MT1X: variants seen among roughly 807,000 people sequenced by gnomAD.
The protein encoded by MT1X is metallothionein 1X.
Under a neutral mutation model 8.6 loss-of-function variants are expected in MT1X, and 7 were observed. The observed-to-expected ratio is 0.81, with a 90% CI of 0.46 to 1.52. The LOEUF (loss-of-function observed/expected upper bound fraction) is 1.52, where lower values mean the gene tolerates loss of function less well. Among genes scored for constraint, MT1X ranks in the 40% most tolerant of loss-of-function variants. MT1X has a pLI of 0.01. For synonymous variants in MT1X, 25 were observed against 27.6 expected, an observed-to-expected ratio of 0.91 and a Z score of 0.30; for missense variants, 72 against 74.3, an observed-to-expected ratio of 0.97 and a Z score of 0.11.
At chr16:56,682,877 C>A in intron 1 of MT1X, 2 of 591,510 alleles carry the variant, frequency 3.4e-6, no homozygotes, top group South Asian at 2.1e-5. Flanking sequence ...AGTGGGGGGC[C>A]ATTGCCTCTT....
intron 2 of MT1X, 197 bp from the exon 3 acceptor site, chr16:56,683,761 A>T: frequency 1.3e-6 from 1 of 742,306 alleles, no homozygotes. Context: ...CCTGTCCCAG[A>T]CTCAGGTGGG....
rs766546598 is a variant in MT1X, at chr16:56,682,510, A to T, written c.-31A>T. 1.2e-6 allele frequency: 2 copies of T among 1,614,028 alleles called. No homozygotes were observed. Among genetic ancestry groups the T allele is most frequent in the South Asian group, 2.2e-5 (2 of 91,080 alleles). The stretch of plus-strand genomic sequence containing the variant: ...TGTCCCGCTGCGTGTTTTCCTCTTG[A>T]TCGGGAACTCCTGCTTCTCCTTGCC... On this transcript the variant is annotated 5_prime_UTR_variant, in exon 1 of 3. Coordinates refer to ENST00000394485, the MANE Select transcript of MT1X (RefSeq NM_005952.4).
At position 56,683,082 on chromosome 16, in the gene MT1X, A is replaced by AG. The variant is rs1489578047; in HGVS notation, c.29-79dup. On this transcript the variant is annotated intron_variant, in intron 1 of 2. Coordinates refer to ENST00000394485, the MANE Select transcript of MT1X (RefSeq NM_005952.4). Reference sequence around the variant, plus strand: ...GGGGGCTGGTCCTTCAGCACAGAGGAGGGGTCACTGAAGCGTTATTGACCA... The same window carrying AG: ...GGGGGCTGGTCCTTCAGCACAGAGGAGGGGGTCACTGAAGCGTTATTGACCA... 6.6e-6 allele frequency: 10 copies of AG among 1,513,128 alleles called. No homozygotes were observed. The East Asian group carries it at 2.0e-4, about 31-fold the overall frequency. 93.7% of individuals were successfully genotyped at this position (1,513,128 alleles called of 1,614,324 possible). A position where few individuals can be genotyped will look rare whatever the true frequency, so the allele number is the denominator to read the frequency against.
chr16:56,683,566 A>G lies in MT1X; in HGVS notation c.94+336A>G, dbSNP rs1961027464. On this transcript the variant is annotated intron_variant, in intron 2 of 2. Transcript: ENST00000394485. Reference sequence around the variant, plus strand: ...ATCTGGAAGACCCCGGGTGATTTCAAACCTAATGATCCAGTCCTTTCCTGC... The same window carrying G: ...ATCTGGAAGACCCCGGGTGATTTCAGACCTAATGATCCAGTCCTTTCCTGC... 7.6e-6 allele frequency: 3 copies of G among 393,644 alleles called. No individual in the cohort carries two copies. The South Asian group carries it at 8.2e-5, about 11-fold the overall frequency. 24.4% of individuals were successfully genotyped at this position (393,644 alleles called of 1,614,324 possible).
chr16:56,683,834 G>C, intron 2 of MT1X, 124 bp from the exon 3 acceptor site: 1 of 1,390,848 alleles, frequency 7.2e-7, no homozygotes, highest in Non-Finnish European at 1.0e-6. Context: ...TTCTGACAAA[G>C]CCATGCCATC....
In MT1X at chr16:56,683,158, C is replaced by T; in HGVS notation, c.29-7C>T. On this transcript the variant is annotated splice_polypyrimidine_tract_variant and splice_region_variant and intron_variant, in intron 1 of 2. Transcript: ENST00000394485. ...CCACGCTCACTGCCTTTTTCTCTTC[C>T]TTGCAGTTGGCTCCTGTGCCTGTGC... The T allele has an allele frequency of 1.9e-6, 3 of 1,613,852 alleles. No individual in the cohort carries two copies. The highest frequency in any genetic ancestry group is 1.7e-4 in the Middle Eastern group (1 of 6,048).
intron 1 of MT1X, 190 bp downstream of exon 1, chr16:56,682,758 G>C (rs1961016595): frequency 2.8e-6 from 2 of 709,958 alleles, no homozygotes; most frequent in African/African-American, 1.8e-5. Context: ...TTAGAGTTGA[G>C]GGTACTGAGG....
chr16:56,683,061 G>A (rs1449299554), intron 1 of MT1X, 104 bp from the exon 2 acceptor site: 10 of 1,360,184 alleles, frequency 7.4e-6, no homozygotes, highest in Non-Finnish European at 9.3e-6. Context: ...AGCTCTGGGG[G>A]CTGGTCCTTC....
chr16:56,683,906 G>C, intron 2 of MT1X, 52 bp from the exon 3 acceptor site: 1 of 1,611,500 alleles, frequency 6.2e-7, no homozygotes, highest in Non-Finnish European at 8.5e-7. Flanking sequence ...TTGGGGCAGG[G>C]AGGTGCCTGA....
intron 2 of MT1X, 76 bp from the exon 3 acceptor site, chr16:56,683,882 G>C (rs1375249325): frequency 1.3e-6 from 2 of 1,594,508 alleles, no homozygotes; most frequent in South Asian, 1.1e-5. Context: ...GGCAGGGCTC[G>C]AGCCAGGCCT....
Position 56,684,101 on chromosome 16 carries a change from GGA to G in MT1X, c.*53_*54del. 6.8e-7 allele frequency: 1 copy of G among 1,477,558 alleles called. No individual in the cohort carries two copies. Among genetic ancestry groups the G allele is most frequent in the Non-Finnish European group, 9.0e-7 (1 of 1,106,860 alleles). The allele number at this position is 1,477,558 out of a possible 1,614,324, so 91.5% of individuals were successfully genotyped here. ...TAAATAGAGCAACCTATATAAACCT[GGA>G]TTTTTTTTTTTTTTTTTTTTGTACA... On this transcript the variant is annotated 3_prime_UTR_variant, in exon 3 of 3. Coordinates refer to ENST00000394485, the MANE Select transcript of MT1X (RefSeq NM_005952.4).
chr16:56,684,159 T>C lies in MT1X; in HGVS notation c.*110T>C, dbSNP rs1420440043. The C allele has an allele frequency of 7.6e-7, 1 of 1,312,552 alleles. No individual in the cohort carries two copies. Among genetic ancestry groups the C allele is most frequent in the African/African-American group, 1.5e-5 (1 of 66,744 alleles). 81.3% of individuals were successfully genotyped at this position (1,312,552 alleles called of 1,614,324 possible). ...GACCCGTTTGCTACATCTTTTTTTC[T>C]ATGAAATATGTGAATGGCAATAAAT... On this transcript the variant is annotated 3_prime_UTR_variant, in exon 3 of 3. Transcript: ENST00000394485.
At chr16:56,683,413 C>G in intron 2 of MT1X, 183 bp downstream of exon 2, 1 of 641,164 alleles carries the variant, frequency 1.6e-6, no homozygotes, top group Admixed American at 3.0e-5. Flanking sequence ...TATTACCAAA[C>G]TAGAAACTGA....
Position 56,682,475 on chromosome 16 carries a change from G to A in MT1X, c.-66G>A. On this transcript the variant is annotated 5_prime_UTR_variant, in exon 1 of 3. Transcript: ENST00000394485. ...GCCGCCGGCTTCTGGGCTCCACCACGCTTTTCATCTGTCCCGCTGCGTGTT... is the reference window on the plus strand; with the variant it reads ...GCCGCCGGCTTCTGGGCTCCACCACACTTTTCATCTGTCCCGCTGCGTGTT... The A allele has an allele frequency of 1.9e-6, 3 of 1,597,274 alleles. No individual in the cohort carries two copies. The highest frequency in any genetic ancestry group is 1.7e-6 in the Non-Finnish European group (2 of 1,165,044).
rs1192856604 is a variant in MT1X at position 56,682,626 on chromosome 16, T to C, written c.28+58T>C. Reference sequence around the variant, plus strand: ...CCCGTTTCCCAGCCACAGTACAGACTCTTCCTGGGTTTGAAGAAGTCGCAT... The same window carrying C: ...CCCGTTTCCCAGCCACAGTACAGACCCTTCCTGGGTTTGAAGAAGTCGCAT... On this transcript the variant is annotated intron_variant, in intron 1 of 2. Coordinates refer to ENST00000394485, the MANE Select transcript of MT1X (RefSeq NM_005952.4). 5.6e-6 allele frequency: 9 copies of C among 1,600,596 alleles called. No homozygotes were observed. In the East Asian group the frequency reaches 1.3e-4, roughly 24 times the overall value.
intron 1 of MT1X, 36 bp from the exon 2 acceptor site, chr16:56,683,129 C>G (rs768231468): frequency 6.2e-7 from 1 of 1,612,482 alleles, no homozygotes; most frequent in African/African-American, 1.3e-5. Flanking sequence ...TTCTGCATCT[C>G]ACTCCACGCT....
chr16:56,682,878 A>G (rs1206139632), intron 1 of MT1X: 2 of 591,526 alleles, frequency 3.4e-6, no homozygotes, highest in African/African-American at 3.7e-5. Context: ...GTGGGGGGCC[A>G]TTGCCTCTTC....
At position 56,683,942 on chromosome 16, in the gene MT1X, T is replaced by A; in HGVS notation, c.95-16T>A. ...TTGAGTCTGCTCTGACCTCTCACTC[T>A]CCCCTTCTTCTCCAGGCTGCTGCTC... is the stretch of plus-strand genomic sequence containing the variant. On this transcript the variant is annotated splice_polypyrimidine_tract_variant and intron_variant, in intron 2 of 2. Transcript: ENST00000394485. 6.2e-7 allele frequency: 1 copy of A among 1,613,850 alleles called. No individual in the cohort carries two copies. Among genetic ancestry groups the A allele is most frequent in the Non-Finnish European group, 8.5e-7 (1 of 1,179,874 alleles).
At position 56,683,199 on chromosome 16, in the gene MT1X, CAA is replaced by C. The variant is rs1276461149; in HGVS notation, c.65_66del (p.Lys22ArgfsTer50). The C allele has an allele frequency of 2.5e-6, 4 of 1,613,910 alleles. 1 individual carries two copies. The highest frequency in any genetic ancestry group is 3.3e-5 in the Admixed American group (2 of 60,000). ...GTGCCTGTGCCGGCTCCTGCAAATG[CAA>C]AGAGTGCAAATGCACCTCCTGCAAG... ...SCACAGSCKC[K>X]ECKCTSCKKS... On this transcript the variant is annotated frameshift_variant, in exon 2 of 3. Transcript: ENST00000394485. LOFTEE classifies it high-confidence loss of function.
Sources: gnomAD v4.1 joint callset for allele counts on GRCh38, gnomAD v4.1.1 for gene constraint, MANE v1.5 for transcripts, NCBI Gene and HGNC (gene_info 2026-07-23, HGNC 2026-07-21) for gene names.